Variants in PHACTR2 observed in about 807,000 individuals in gnomAD.
The protein encoded by PHACTR2 is phosphatase and actin regulator 2.
PHACTR2 carries 30 observed loss-of-function variants against 76.0 expected under a neutral mutation model. The observed-to-expected ratio is 0.39, with a 90% CI of 0.30 to 0.54. PHACTR2 has a LOEUF of 0.54. Ranked by LOEUF, PHACTR2 falls within the 20% of genes least tolerant of loss-of-function variation. The pLI is 0.61. For synonymous variants in PHACTR2, 292 were observed against 292.5 expected, an observed-to-expected ratio of 1.00 and a Z score of 0.02; for missense variants, 696 against 781.1, an observed-to-expected ratio of 0.89 and a Z score of 1.30.
At chr6:143,746,555 G>T (rs748546038) in intron 2 of PHACTR2, among the ~76,000 whole-genome samples, 21 of 152,236 alleles carry the variant, frequency 1.4e-4, no homozygotes, top group Admixed American at 3.3e-4. Flanking sequence ...CCTGTTCCCA[G>T]GAATGGAGGC....
Position 143,825,650 on chromosome 6 carries a change from T to C in PHACTR2, c.*1961T>C, listed in dbSNP as rs922091147. On this transcript the variant is annotated 3_prime_UTR_variant, in exon 13 of 13. Transcript: ENST00000440869. This position sits in a 1 kb window ranked among gnomAD's most constrained non-coding sequence, Gnocchi z 4.1. ...TTCCCAAAGTCATGCTTTTCCTTAA[T>C]TATATTTTTATTTTATTATTTTAGT... The C allele has an allele frequency of 1.3e-5, 2 of 152,166 alleles. No homozygotes were observed. The highest frequency in any genetic ancestry group is 1.9e-4 in the East Asian group (1 of 5,204). 9.4% of individuals were successfully genotyped at this position (152,166 alleles called of 1,614,324 possible). A position where few individuals can be genotyped will look rare whatever the true frequency, so the allele number is the denominator to read the frequency against.
intron 1 of PHACTR2, among the ~76,000 whole-genome samples, chr6:143,582,969 A>G (rs1775592179): frequency 6.6e-6 from 1 of 152,258 alleles, no homozygotes; most frequent in Non-Finnish European, 1.5e-5. Flanking sequence ...TTTCACAAAT[A>G]GAATTTAATT....
At position 143,761,386 on chromosome 6, in the gene PHACTR2, G is replaced by T. The variant is rs1490651377; in HGVS notation, c.694+746G>T. On this transcript the variant is annotated intron_variant, in intron 5 of 12. Coordinates refer to ENST00000440869, the MANE Select transcript of PHACTR2 (RefSeq NM_001100164.2). This position sits in a 1 kb window ranked among gnomAD's most constrained non-coding sequence, Gnocchi z 5.2. ...CTTTGCTTTACAATCAGATATGCTT[G>T]ATGCAAAGTGGAAACTCCCATTTTT... is the stretch of plus-strand genomic sequence containing the variant. Among the ~76,000 whole-genome samples, 1 of 152,184 alleles carries T rather than the reference G, an allele frequency of 6.6e-6. No individual in the cohort carries two copies. Among genetic ancestry groups the T allele is most frequent in the Non-Finnish European group, 1.5e-5 (1 of 68,036 alleles).
intron 7 of PHACTR2, among the ~76,000 whole-genome samples, chr6:143,773,107 G>C (rs1775192085): frequency 6.6e-6 from 1 of 152,144 alleles, no homozygotes; most frequent in East Asian, 1.9e-4. Context: ...CAGCTGCTCG[G>C]GAGGCTGAGG....
At position 143,659,513 on chromosome 6, in the gene PHACTR2, G is replaced by T. The variant is rs1007509166; in HGVS notation, c.13+51191G>T. 6.6e-6 allele frequency among the ~76,000 whole-genome samples: 1 copy of T among 152,158 alleles called. No individual in the cohort carries two copies. Among genetic ancestry groups the T allele is most frequent in the Admixed American group, 6.5e-5 (1 of 15,274 alleles). ...ATTCCTTGCAGAATGCCAGACTGAG[G>T]GCTCAGTTTCTTGCTGGCTGTGAGT... On this transcript the variant is annotated intron_variant, in intron 1 of 11. Coordinates refer to the PHACTR2 transcript ENST00000305766. This position sits in a 1 kb window ranked among gnomAD's most constrained non-coding sequence, Gnocchi z 5.0.
At chr6:143,681,321 G>A (rs1031568613) in intron 1 of PHACTR2, among the ~76,000 whole-genome samples, 1 of 152,016 alleles carries the variant, frequency 6.6e-6, no homozygotes, top group Admixed American at 6.5e-5. Flanking sequence ...TATATCTCAT[G>A]GTTTTGATTT....
At position 143,619,959 on chromosome 6, in the gene PHACTR2, T is replaced by TC. The variant is rs1554215315; in HGVS notation, c.13+11637_13+11638insC. On this transcript the variant is annotated intron_variant, in intron 1 of 11. Transcript: ENST00000305766. The surrounding 1 kb of genome is among the most constrained non-coding windows in gnomAD (Gnocchi z 4.5). Reference sequence around the variant, plus strand: ...ACAGAACATGTCACTCGGTCGGGGGTGGGGGGTCAGTTCATTTGTTCAAAC... The same window carrying TC: ...ACAGAACATGTCACTCGGTCGGGGGTCGGGGGGTCAGTTCATTTGTTCAAAC... Among the ~76,000 whole-genome samples, 1 of 93,146 alleles carries TC rather than the reference T, an allele frequency of 1.1e-5. No homozygotes were observed. The highest frequency in any genetic ancestry group is 2.8e-5 in the Non-Finnish European group (1 of 35,098). The allele number at this position is 93,146 out of a possible 152,430, so 61.1% of individuals were successfully genotyped here.
intron 2 of PHACTR2, among the ~76,000 whole-genome samples, chr6:143,721,133 C>A (rs1321718120): frequency 6.6e-6 from 1 of 152,242 alleles, no homozygotes. Flanking sequence ...TTTAGAATGG[C>A]GCATATGTTG....
rs1158592364 is a variant in PHACTR2, at chr6:143,658,022, A to G, written c.13+49700A>G. Among the ~76,000 whole-genome samples the G allele has an allele frequency of 6.6e-6, 1 of 152,164 alleles. No individual in the cohort carries two copies. The highest frequency in any genetic ancestry group is 1.5e-5 in the Non-Finnish European group (1 of 68,036). On this transcript the variant is annotated intron_variant, in intron 1 of 11. Coordinates refer to the PHACTR2 transcript ENST00000305766. The surrounding 1 kb of genome is among the most constrained non-coding windows in gnomAD (Gnocchi z 4.1). ...GTATTCCATTAATGGACATACCACA[A>G]TTTATTTACCCACTCTTCTGTTGAG...
At chr6:143,612,314 G>A (rs1456043879) in intron 1 of PHACTR2, among the ~76,000 whole-genome samples, 1 of 152,126 alleles carries the variant, frequency 6.6e-6, no homozygotes, top group Admixed American at 6.5e-5. Flanking sequence ...TAAGCACGAA[G>A]ACATTTCATT....
intron 1 of PHACTR2, among the ~76,000 whole-genome samples, chr6:143,572,501 A>C (rs1197878706): frequency 6.6e-6 from 1 of 152,168 alleles, no homozygotes; most frequent in African/African-American, 2.4e-5. Context: ...ATACTCAAAC[A>C]CTAACAGTGG....
At chr6:143,569,827 T>C (rs114248349) in intron 1 of PHACTR2, among the ~76,000 whole-genome samples, 1,545 of 152,292 alleles carry the variant, frequency 0.01, 30 homozygotes, top group African/African-American at 0.033. Context: ...AAAAGTATAA[T>C]TGATGTGCAG....
rs903461294 is a variant in PHACTR2 at position 143,764,052 on chromosome 6, G to C, written c.695-1209G>C. On this transcript the variant is annotated intron_variant, in intron 5 of 12. Transcript: ENST00000440869. This position sits in a 1 kb window ranked among gnomAD's most constrained non-coding sequence, Gnocchi z 4.7. ...AAAGAAAAAAGTAGTTAATCTTTTT[G>C]TTTTGAAACTGTTTTGATTGAGGGT... Among the ~76,000 whole-genome samples the C allele has an allele frequency of 6.6e-6, 1 of 152,132 alleles. No homozygotes were observed. The highest frequency in any genetic ancestry group is 2.4e-5 in the African/African-American group (1 of 41,434).
intron 1 of PHACTR2, among the ~76,000 whole-genome samples, chr6:143,579,574 AC>A (rs36077303): frequency 1.3e-5 from 2 of 151,248 alleles, no homozygotes; most frequent in East Asian, 3.9e-4. Context: ...AGCCCAAGGA[AC>A]CCCCCCAATA....
chr6:143,587,833 G>A (rs1446720614), intron 1 of PHACTR2, among the ~76,000 whole-genome samples: 2 of 151,892 alleles, frequency 1.3e-5, no homozygotes, highest in Non-Finnish European at 2.9e-5. Context: ...GACCAACATG[G>A]AGAAACCCCG....
In PHACTR2 at chr6:143,776,557, G is replaced by A. The variant is rs1469729865; in HGVS notation, c.1590-771G>A. Among the ~76,000 whole-genome samples, 2 of 152,098 alleles carry A rather than the reference G, an allele frequency of 1.3e-5. No homozygotes were observed. Among genetic ancestry groups the A allele is most frequent in the East Asian group, 1.9e-4 (1 of 5,188 alleles). On this transcript the variant is annotated intron_variant, in intron 8 of 12. Transcript: ENST00000440869. The surrounding 1 kb of genome is among the most constrained non-coding windows in gnomAD (Gnocchi z 5.3). Reference sequence around the variant, plus strand: ...CAGGTACCTAGCTAACATCCAGGCCGATCTGTTGCTAGAAGGAAAGGAGAC... The same window carrying A: ...CAGGTACCTAGCTAACATCCAGGCCAATCTGTTGCTAGAAGGAAAGGAGAC...
At chr6:143,799,514 T>C (rs757580884) in intron 11 of PHACTR2, among the ~76,000 whole-genome samples, 2 of 152,370 alleles carry the variant, frequency 1.3e-5, no homozygotes, top group Non-Finnish European at 2.9e-5. Flanking sequence ...CTTTCTCTTG[T>C]GGGCATTTAA....
intron 1 of PHACTR2, among the ~76,000 whole-genome samples, chr6:143,601,686 G>A (rs1402749213): frequency 6.6e-6 from 1 of 152,180 alleles, no homozygotes; most frequent in Non-Finnish European, 1.5e-5. Context: ...ATTCATTGCT[G>A]AGTAAGTGCC....
chr6:143,820,603 G>T lies in PHACTR2; in HGVS notation c.1923-3071G>T, dbSNP rs1562319529. On this transcript the variant is annotated intron_variant, in intron 12 of 12. Transcript: ENST00000440869. The surrounding 1 kb of genome is among the most constrained non-coding windows in gnomAD (Gnocchi z 4.2). ...TGGGCAGCTCTACCCCTGTGGATTT[G>T]CAAGGTGCAGCCCCCAGGCTGATCT... Among the ~76,000 whole-genome samples the T allele has an allele frequency of 6.6e-6, 1 of 152,222 alleles. No individual in the cohort carries two copies. The highest frequency in any genetic ancestry group is 1.5e-5 in the Non-Finnish European group (1 of 68,036).
Sources: allele counts gnomAD v4.1 joint callset (sites outside exome capture counted in the v4.1 genomes callset), GRCh38; gene constraint gnomAD v4.1.1; non-coding constraint Gnocchi (gnomAD v3.1); transcripts MANE v1.5; gene names NCBI Gene and HGNC (gene_info 2026-07-23, HGNC 2026-07-21).